Variants in HABP2 observed in about 807,000 individuals in gnomAD.
HABP2 encodes the protein factor VII-activating protease.
Under a neutral mutation model 66.5 loss-of-function variants are expected in HABP2, and 65 were observed. That is an observed-to-expected ratio of 0.98 (90% CI 0.80 to 1.20). The LOEUF (loss-of-function observed/expected upper bound fraction) is 1.20. HABP2 is among the 50% of genes most tolerant of loss of function. The pLI is 0.00. For missense variants in HABP2, 786 were observed against 691.0 expected (o/e 1.14, Z -1.54); for synonymous variants, 263 against 253.9 (o/e 1.04, Z -0.34).
intron 6 of HABP2, 57 bp downstream of exon 6, chr10:113,578,202 T>C: frequency 6.3e-7 from 1 of 1,581,760 alleles, no homozygotes. Flanking sequence ...CCCTTTCCTC[T>C]CTGGGTTTTG....
At chr10:113,588,121 C>A in intron 12 of HABP2, 84 bp from the exon 13 acceptor site, 2 of 1,200,376 alleles carry the variant, frequency 1.7e-6, no homozygotes, top group Non-Finnish European at 2.3e-6. Flanking sequence ...CCCCATCCCT[C>A]CCTGACACCC....
chr10:113,561,532 G>A (rs1309198288), intron 1 of HABP2, among the ~76,000 whole-genome samples: 1 of 152,130 alleles, frequency 6.6e-6, no homozygotes, highest in East Asian at 1.9e-4. Context: ...CCTCCCTGGT[G>A]GTTGGCAACA....
At position 113,583,280 on chromosome 10, in the gene HABP2, G is replaced by A. The variant is rs994401299; in HGVS notation, c.1159G>A (p.Glu387Lys). Residue 387 changes from glutamate to lysine, a missense_variant, in exon 10 of 13, where the codon GAG (glutamate) becomes AAG (lysine). Glu to Lys is a moderately conservative substitution (Grantham distance 56). Transcript: ENST00000351270. ...DQDLKKEEFH[E>K]QSFRVEKIFK... The stretch of plus-strand genomic sequence containing the variant: ...GGACCTGAAGAAAGAAGAATTTCAT[G>A]AGCAGAGCTTTAGGGTGGAGAAGAT... 2 of 1,612,200 alleles carry A rather than the reference G, an allele frequency of 1.2e-6. No individual in the cohort carries two copies. The highest frequency in any genetic ancestry group is 1.7e-6 in the Non-Finnish European group (2 of 1,178,224).
intron 2 of HABP2, among the ~76,000 whole-genome samples, chr10:113,569,361 A>G (rs1458560545): frequency 6.6e-6 from 1 of 152,152 alleles, no homozygotes. Context: ...TTTTGCAAAG[A>G]GTAGATTCAG....
intron 5 of HABP2, 97 bp from the exon 6 acceptor site, chr10:113,577,929 G>A: frequency 2.8e-6 from 4 of 1,439,076 alleles, no homozygotes; most frequent in Non-Finnish European, 3.8e-6. Flanking sequence ...CGAAAGGATG[G>A]ACACCAGTAG....
Position 113,583,233 on chromosome 10 carries a change from T to C in HABP2, c.1112T>C (p.Leu371Pro). 2 of 1,613,792 alleles carry C rather than the reference T, an allele frequency of 1.2e-6. No individual in the cohort carries two copies. The highest frequency in any genetic ancestry group is 1.7e-6 in the Non-Finnish European group (2 of 1,179,756). The change falls in exon 10 of 13, where the codon CTA (leucine) becomes CCA (proline). Residue 371 changes from leucine to proline, a missense_variant. Leu to Pro is a moderately conservative substitution (Grantham distance 98). Transcript: ENST00000351270. ...AHCTDIKTRH[L>P]KVVLGDQDLK... is the part of the protein sequence containing the mutation. ...CCTTGCAGCATAAAAACCAGACATC[T>C]AAAGGTGGTGCTAGGGGACCAGGAC... is the stretch of plus-strand genomic sequence containing the variant.
chr10:113,589,285 GCTT>G lies in HABP2; in HGVS notation c.*920_*922del, dbSNP rs1469927176. On this transcript the variant is annotated 3_prime_UTR_variant, in exon 13 of 13. Transcript: ENST00000351270. The stretch of plus-strand genomic sequence containing the variant: ...AAAGCCAATCTCTCATTTAGACCTG[GCTT>G]CTTTCTTCTGAACAAAGTAGGGTTC... 3 of 586,016 alleles carry G rather than the reference GCTT, an allele frequency of 5.1e-6. No homozygotes were observed. The African/African-American group carries it at 5.6e-5, about 11-fold the overall frequency. 36.3% of individuals were successfully genotyped at this position (586,016 alleles called of 1,614,324 possible). A position where few individuals can be genotyped will look rare whatever the true frequency, so the allele number is the denominator to read the frequency against.
chr10:113,566,537 G>GTAA (rs1201551084), intron 1 of HABP2, among the ~76,000 whole-genome samples: 4 of 152,220 alleles, frequency 2.6e-5, no homozygotes, highest in Non-Finnish European at 4.4e-5. Context: ...TAGGTATTGG[G>GTAA]TAATACATCA....
rs878877500 is a variant in HABP2 at position 113,582,039 on chromosome 10, G to A, written c.1002G>A (p.Ser334=). Residue 334 remains serine (S), a synonymous_variant, in exon 9 of 13, where the codon TCG becomes TCA. Transcript: ENST00000351270. Reference sequence around the variant, plus strand: ...CATGGCAGGCGTCCCTCCAGTCCTCGCTGCCTCTGACCATCTCCATGCCCC... The same window carrying A: ...CATGGCAGGCGTCCCTCCAGTCCTCACTGCCTCTGACCATCTCCATGCCCC... ...KHPWQASLQS[S]LPLTISMPQG... is the part of the protein sequence containing the mutation. 8 of 1,613,718 alleles carry A rather than the reference G, an allele frequency of 5.0e-6. No homozygotes were observed. Among genetic ancestry groups the A allele is most frequent in the East Asian group, 4.5e-5 (2 of 44,890 alleles).
At chr10:113,583,910 A>G (rs1373332629) in intron 10 of HABP2, among the ~76,000 whole-genome samples, 1 of 152,232 alleles carries the variant, frequency 6.6e-6, no homozygotes, top group Non-Finnish European at 1.5e-5. Context: ...GTTTCTTAAA[A>G]AATGGATTAG....
In HABP2 at chr10:113,589,578, G is replaced by A; in HGVS notation, c.*1209G>A. On this transcript the variant is annotated 3_prime_UTR_variant, in exon 13 of 13. Coordinates refer to ENST00000351270, the MANE Select transcript of HABP2 (RefSeq NM_004132.5). ...CTTCTTTAGAGCTAGCTGACCTTTGGCCAAAAATAAACTTTGAAAAGAAAC... is the reference window on the plus strand; with the variant it reads ...CTTCTTTAGAGCTAGCTGACCTTTGACCAAAAATAAACTTTGAAAAGAAAC... 6.7e-7 allele frequency: 1 copy of A among 1,497,790 alleles called. No individual in the cohort carries two copies. The highest frequency in any genetic ancestry group is 9.0e-7 in the Non-Finnish European group (1 of 1,112,084). The allele number at this position is 1,497,790 out of a possible 1,614,324, so 92.8% of individuals were successfully genotyped here. A position where few individuals can be genotyped will look rare whatever the true frequency, so the allele number is the denominator to read the frequency against.
intron 12 of HABP2, among the ~76,000 whole-genome samples, chr10:113,587,013 G>A (rs529782780): frequency 1.3e-5 from 2 of 152,328 alleles, no homozygotes; most frequent in East Asian, 3.9e-4. Context: ...AGATGGTTAA[G>A]AAAACAGCTC....
At chr10:113,554,600 G>A (rs1052202778) in intron 1 of HABP2, among the ~76,000 whole-genome samples, 1 of 152,146 alleles carries the variant, frequency 6.6e-6, no homozygotes, top group Non-Finnish European at 1.5e-5. Flanking sequence ...GGTGTCTGAG[G>A]CCGAGACACA....
intron 7 of HABP2, among the ~76,000 whole-genome samples, chr10:113,580,282 C>T (rs1845499181): frequency 6.6e-6 from 1 of 152,184 alleles, no homozygotes; most frequent in African/African-American, 2.4e-5. Context: ...TTTTACTCTC[C>T]TGATATAGAA....
intron 2 of HABP2, among the ~76,000 whole-genome samples, chr10:113,573,104 T>C (rs1845344004): frequency 6.6e-6 from 1 of 152,326 alleles, no homozygotes. Context: ...CTCATTATCA[T>C]ATGCATCTCT....
At chr10:113,566,195 C>T (rs190417512) in intron 1 of HABP2, among the ~76,000 whole-genome samples, 5 of 152,306 alleles carry the variant, frequency 3.3e-5, no homozygotes, top group Non-Finnish European at 7.3e-5. Context: ...TGGTAGAACT[C>T]GCATTTCTTT....
intron 12 of HABP2, 106 bp from the exon 13 acceptor site, chr10:113,588,099 C>T: frequency 2.3e-6 from 2 of 855,138 alleles, no homozygotes; most frequent in East Asian, 5.2e-5. Flanking sequence ...CGGAGGCTGG[C>T]AAGGGACTCC....
chr10:113,561,628 G>A (rs1042418670), intron 1 of HABP2, among the ~76,000 whole-genome samples: 1 of 152,090 alleles, frequency 6.6e-6, no homozygotes, highest in East Asian at 1.9e-4. Context: ...CCAGCAAGCA[G>A]AAGATTTCTC....
At chr10:113,581,800 C>T (rs899901875) in intron 8 of HABP2, 76 bp from the exon 9 acceptor site, 8 of 1,482,872 alleles carry the variant, frequency 5.4e-6, no homozygotes, top group Non-Finnish European at 7.5e-6. Context: ...GGCTCAGAGT[C>T]ATACCTCTGC....
Sources: gnomAD v4.1 joint callset for allele counts (sites outside exome capture counted in the v4.1 genomes callset) on GRCh38, gnomAD v4.1.1 for gene constraint, MANE v1.5 for transcripts, NCBI Gene and HGNC (gene_info 2026-07-23, HGNC 2026-07-21) for gene names.